Variants in AGMO observed in about 807,000 individuals in gnomAD.
AGMO encodes alkylglycerol monooxygenase.
Under a neutral mutation model 60.2 loss-of-function variants are expected in AGMO, and 75 were observed. The ratio of observed to expected loss-of-function variants is 1.25; its 90% confidence interval spans 1.03 to 1.51. The LOEUF is 1.51. Ranked by LOEUF, AGMO falls within the 40% of genes most tolerant of loss-of-function variation. The pLI is 0.00. For synonymous variants in AGMO, 261 were observed against 177.1 expected (o/e 1.47, Z -3.76); for missense variants, 763 against 525.5 (o/e 1.45, Z -4.42).
chr7:15,372,072 G>A (rs1312915266), intron 10 of AGMO, among the ~76,000 whole-genome samples: 1 of 152,008 alleles, frequency 6.6e-6, no homozygotes, highest in Non-Finnish European at 1.5e-5. Context: ...TTAATTTAGG[G>A]TTCATTTTCC....
chr7:15,528,526 C>A (rs1259452850), intron 3 of AGMO, among the ~76,000 whole-genome samples: 1 of 152,042 alleles, frequency 6.6e-6, no homozygotes, highest in African/African-American at 2.4e-5. Flanking sequence ...AATATTTAAC[C>A]TCAATCTAAT....
intron 12 of AGMO, among the ~76,000 whole-genome samples, chr7:15,218,912 G>C (rs1172045946): frequency 6.6e-6 from 1 of 152,110 alleles, no homozygotes; most frequent in African/African-American, 2.4e-5. Flanking sequence ...TTCAGTGCTA[G>C]ACTGAATAAG....
chr7:15,242,938 G>A (rs889690550), intron 12 of AGMO, among the ~76,000 whole-genome samples: 1 of 152,026 alleles, frequency 6.6e-6, no homozygotes, highest in Non-Finnish European at 1.5e-5. Context: ...ATTAATCTAA[G>A]ATGTGGGACA....
intron 12 of AGMO, among the ~76,000 whole-genome samples, chr7:15,270,309 T>C (rs964605063): frequency 1.3e-5 from 2 of 152,060 alleles, no homozygotes; most frequent in African/African-American, 2.4e-5. Context: ...TTTATATAAA[T>C]AAACATTCTG....
At chr7:15,416,338 C>CT (rs1039450783) in intron 5 of AGMO, among the ~76,000 whole-genome samples, 4 of 152,046 alleles carry the variant, frequency 2.6e-5, no homozygotes, top group African/African-American at 9.7e-5. Flanking sequence ...CAGGTCTAGA[C>CT]TTTGTTTATT....
chr7:15,520,639 T>G (rs556091610), intron 3 of AGMO, among the ~76,000 whole-genome samples: 1 of 152,318 alleles, frequency 6.6e-6, no homozygotes, highest in Admixed American at 6.5e-5. Flanking sequence ...AAATAAGTTC[T>G]TTGAAACCAG....
At chr7:15,333,611 A>T (rs1012707341) in intron 12 of AGMO, among the ~76,000 whole-genome samples, 3 of 151,176 alleles carry the variant, frequency 2.0e-5, no homozygotes, top group African/African-American at 7.3e-5. Context: ...TTAAAAAAAA[A>T]AAAAAAAGAA....
intron 12 of AGMO, chr7:15,306,302 G>T (rs932812779): frequency 8.1e-6 from 2 of 246,274 alleles, no homozygotes; most frequent in Non-Finnish European, 1.7e-5. Flanking sequence ...AATTTCAATG[G>T]CTGAAAGGAA....
the AGMO span, among the ~76,000 whole-genome samples, chr7:15,162,568 C>A: frequency 6.6e-6 from 1 of 152,054 alleles, no homozygotes; most frequent in Non-Finnish European, 1.5e-5. Flanking sequence ...GTGGCATGCA[C>A]CTATAGTCCC....
the AGMO span, among the ~76,000 whole-genome samples, chr7:15,183,315 C>A: frequency 6.6e-6 from 1 of 152,140 alleles, no homozygotes; most frequent in South Asian, 2.1e-4. Flanking sequence ...CTAACATTCA[C>A]CATGCCCCAT....
chr7:15,394,061 A>T, intron 6 of AGMO, 52 bp downstream of exon 6: 1 of 1,341,404 alleles, frequency 7.5e-7, no homozygotes, highest in South Asian at 1.2e-5. Context: ...GAAAATAATA[A>T]TGCAATTTTT....
intron 12 of AGMO, among the ~76,000 whole-genome samples, chr7:15,352,870 T>TG (rs1782304042): frequency 6.6e-6 from 1 of 152,092 alleles, no homozygotes; most frequent in Non-Finnish European, 1.5e-5. Flanking sequence ...AACGTGTATG[T>TG]GTTTAATTCC....
intron 12 of AGMO, among the ~76,000 whole-genome samples, chr7:15,205,429 C>G (rs1260615981): frequency 6.6e-6 from 1 of 152,076 alleles, no homozygotes; most frequent in African/African-American, 2.4e-5. Context: ...GTCTCCCAAA[C>G]ATGTATTTAT....
chr7:15,557,443 A>T (rs950237675), intron 2 of AGMO, among the ~76,000 whole-genome samples: 6 of 151,940 alleles, frequency 3.9e-5, no homozygotes, highest in African/African-American at 1.4e-4. Context: ...GCTGTTAATG[A>T]TTTGCACAGG....
chr7:15,411,936 T>C (rs548748214), intron 5 of AGMO, among the ~76,000 whole-genome samples: 1 of 152,228 alleles, frequency 6.6e-6, no homozygotes, highest in Non-Finnish European at 1.5e-5. Flanking sequence ...ACTCTTAGAC[T>C]TCCATTAATT....
At chr7:15,151,333 C>T in the AGMO span, among the ~76,000 whole-genome samples, 13 of 151,944 alleles carry the variant, frequency 8.6e-5, no homozygotes, top group South Asian at 6.2e-4. Flanking sequence ...TTCAGTTCAT[C>T]GCTCGTTTTG....
At chr7:15,342,041 G>A (rs917645851) in intron 12 of AGMO, among the ~76,000 whole-genome samples, 8 of 151,902 alleles carry the variant, frequency 5.3e-5, no homozygotes, top group African/African-American at 1.7e-4. Context: ...ATCTCGCCAT[G>A]AATGCTCACT....
At chr7:15,493,671 G>A (rs925414073) in intron 3 of AGMO, among the ~76,000 whole-genome samples, 9 of 152,150 alleles carry the variant, frequency 5.9e-5, no homozygotes, top group South Asian at 2.1e-4. Flanking sequence ...CACCGCGCCC[G>A]GCCCACATTT....
intron 10 of AGMO, among the ~76,000 whole-genome samples, chr7:15,378,110 G>C (rs1490447106): frequency 1.3e-5 from 2 of 151,930 alleles, no homozygotes; most frequent in Non-Finnish European, 2.9e-5. Flanking sequence ...CCTAGTTCCT[G>C]CATTTGCTTC....
Sources: gnomAD v4.1 joint callset for allele counts (sites outside exome capture counted in the v4.1 genomes callset) on GRCh38, gnomAD v4.1.1 for gene constraint, MANE v1.5 for transcripts, NCBI Gene and HGNC (gene_info 2026-07-23, HGNC 2026-07-21) for gene names.